Variants in AP3B1 observed in about 807,000 individuals in gnomAD.
AP3B1 encodes the protein AP-3 complex subunit beta-1.
AP3B1 carries 61 observed loss-of-function variants against 132.5 expected under a neutral mutation model. That is an observed-to-expected ratio of 0.46 (90% CI 0.37 to 0.57). The LOEUF is 0.57. AP3B1 is among the 20% of genes least tolerant of loss of function. AP3B1 has a pLI of 0.00. For missense variants in AP3B1, 1,120 were observed against 1,289.4 expected, an observed-to-expected ratio of 0.87 and a Z score of 2.01; for synonymous variants, 388 against 438.3, an observed-to-expected ratio of 0.89 and a Z score of 1.43.
At position 78,020,994 on chromosome 5, in the gene AP3B1, G is replaced by A. The variant is rs117001247; in HGVS notation, c.2895-205C>T. ...AAAATACATCTGTTATCTCAATCAA[G>A]ATTTTTTAAAAAACAAAACTACACA... On this transcript the variant is annotated intron_variant, in intron 24 of 26. Coordinates refer to ENST00000255194, the MANE Select transcript of AP3B1 (RefSeq NM_003664.5). Among the ~76,000 whole-genome samples, 19 of 151,708 alleles carry A rather than the reference G, an allele frequency of 1.3e-4. No homozygotes were observed. In the East Asian group the frequency reaches 3.7e-3, roughly 29 times the overall value.
chr5:78,233,235 T>C (rs1327541455), intron 3 of AP3B1, among the ~76,000 whole-genome samples: 1 of 131,292 alleles, frequency 7.6e-6, no homozygotes, highest in Non-Finnish European at 1.7e-5. Context: ...TTTTTCTTTT[T>C]TCTTTTTTTT....
intron 17 of AP3B1, among the ~76,000 whole-genome samples, chr5:78,119,809 G>C (rs193190385): frequency 9.1e-4 from 139 of 152,260 alleles, no homozygotes; most frequent in African/African-American, 3.2e-3. Flanking sequence ...AGCAAGAAAG[G>C]CCAACATTCG....
At chr5:78,278,695 A>C (rs1748906225) in intron 1 of AP3B1, among the ~76,000 whole-genome samples, 1 of 149,522 alleles carries the variant, frequency 6.7e-6, no homozygotes, top group South Asian at 2.1e-4. Context: ...CTCAACCCCC[A>C]GGCCACAGAA....
In AP3B1 at chr5:78,156,500, A is replaced by C. The variant is rs746449415; in HGVS notation, c.1364-133T>G. 8 of 704,610 alleles carry C rather than the reference A, an allele frequency of 1.1e-5. No homozygotes were observed. In the East Asian group the frequency reaches 2.2e-4, roughly 19 times the overall value. 43.6% of individuals were successfully genotyped at this position (704,610 alleles called of 1,614,324 possible). On this transcript the variant is annotated intron_variant, in intron 13 of 26. Transcript: ENST00000255194. ...GCCTTAAAAGACTATGTGAAAGCAT[A>C]ACCATGAGTGCGCTTCCAAATTTGA...
intron 3 of AP3B1, among the ~76,000 whole-genome samples, chr5:78,229,669 G>A (rs913103052): frequency 2.6e-5 from 4 of 151,980 alleles, no homozygotes; most frequent in African/African-American, 7.3e-5. Context: ...AGCCTGGGAG[G>A]TCGAAGCTGC....
intron 2 of AP3B1, among the ~76,000 whole-genome samples, chr5:78,259,361 C>T (rs558652837): frequency 2.5e-4 from 38 of 151,986 alleles, no homozygotes; most frequent in Admixed American, 4.6e-4. Flanking sequence ...GGATGGTTAC[C>T]AGAGGCTGAG....
At chr5:78,022,033 G>A (rs1422893699) in intron 24 of AP3B1, among the ~76,000 whole-genome samples, 1 of 152,052 alleles carries the variant, frequency 6.6e-6, no homozygotes, top group African/African-American at 2.4e-5. Flanking sequence ...TTCATGTGTG[G>A]GTACAGACAA....
intron 14 of AP3B1, among the ~76,000 whole-genome samples, chr5:78,152,750 T>C (rs1753725616): frequency 1.3e-5 from 2 of 152,216 alleles, no homozygotes; most frequent in Non-Finnish European, 2.9e-5. Flanking sequence ...GTTTCCATCA[T>C]CACATGTTTC....
Position 78,034,342 on chromosome 5 carries a change from G to C in AP3B1, c.2894+19C>G. The C allele has an allele frequency of 6.3e-7, 1 of 1,585,790 alleles. No homozygotes were observed. Among genetic ancestry groups the C allele is most frequent in the Non-Finnish European group, 8.7e-7 (1 of 1,154,520 alleles). On this transcript the variant is annotated intron_variant, in intron 24 of 26. Coordinates refer to ENST00000255194, the MANE Select transcript of AP3B1 (RefSeq NM_003664.5). Reference sequence around the variant, plus strand: ...TCCTTTACAGGTTATATAAAAAATAGAAGAACAATTGAACTTACCACAACT... The same window carrying C: ...TCCTTTACAGGTTATATAAAAAATACAAGAACAATTGAACTTACCACAACT...
In AP3B1 at chr5:78,141,155, G is replaced by T; in HGVS notation, c.1638C>A (p.Thr546=). 6.2e-7 allele frequency: 1 copy of T among 1,613,444 alleles called. No individual in the cohort carries two copies. Among genetic ancestry groups the T allele is most frequent in the Non-Finnish European group, 8.5e-7 (1 of 1,179,550 alleles). ...ATTTGCCTCTCACCTGTTTGGAGTT[G>T]GTTAAATACAATTTTGCTCCCAGAT... ...ILNLGAKLYL[T]NSKQTKLLTQ... The change falls in exon 15 of 27, where the codon ACC becomes ACA. Residue 546 remains threonine (T), a synonymous_variant. Coordinates refer to ENST00000255194, the MANE Select transcript of AP3B1 (RefSeq NM_003664.5).
intron 25 of AP3B1, chr5:78,015,854 A>G (rs1179241252): frequency 1.3e-5 from 4 of 312,072 alleles, no homozygotes; most frequent in Non-Finnish European, 2.4e-5. Context: ...TCTTTAAAGT[A>G]TACTCAATCT....
intron 3 of AP3B1, among the ~76,000 whole-genome samples, chr5:78,239,336 T>C (rs6898154): frequency 0.33 from 50,105 of 150,596 alleles, 8,389 homozygotes; most frequent in Middle Eastern, 0.43. Flanking sequence ...CTGGACATGG[T>C]GGCATGCACC....
chr5:78,120,608 A>C (rs951770132), intron 17 of AP3B1, among the ~76,000 whole-genome samples: 2 of 152,034 alleles, frequency 1.3e-5, no homozygotes, highest in Non-Finnish European at 2.9e-5. Context: ...GCCATTACAT[A>C]ATGGTAAAGG....
intron 11 of AP3B1, among the ~76,000 whole-genome samples, chr5:78,174,828 T>C (rs961617850): frequency 6.6e-6 from 1 of 152,150 alleles, no homozygotes; most frequent in African/African-American, 2.4e-5. Flanking sequence ...TTGCCCAGAG[T>C]GGAGTCTATA....
intron 7 of AP3B1, among the ~76,000 whole-genome samples, chr5:78,198,513 A>C (rs547801128): frequency 6.6e-6 from 1 of 152,280 alleles, no homozygotes; most frequent in African/African-American, 2.4e-5. Context: ...TTAGAAGGGC[A>C]CTAATCCCAT....
intron 21 of AP3B1, among the ~76,000 whole-genome samples, chr5:78,097,666 C>T (rs867748871): frequency 0.093 from 10,693 of 114,422 alleles, 904 homozygotes; most frequent in African/African-American, 0.21. Context: ...GGGGGGTCAG[C>T]CCCCCGCCCG....
chr5:78,209,776 G>T (rs1745658180), intron 7 of AP3B1, among the ~76,000 whole-genome samples: 1 of 151,872 alleles, frequency 6.6e-6, no homozygotes, highest in Non-Finnish European at 1.5e-5. Flanking sequence ...CATTGAGAAG[G>T]GTCACTCAGA....
intron 7 of AP3B1, among the ~76,000 whole-genome samples, chr5:78,192,979 C>G (rs1744906018): frequency 6.6e-6 from 1 of 152,168 alleles, no homozygotes; most frequent in African/African-American, 2.4e-5. Flanking sequence ...CAAACTAAGA[C>G]AGACTATAAA....
At chr5:78,172,601 A>G (rs1024209575) in intron 11 of AP3B1, among the ~76,000 whole-genome samples, 12 of 152,026 alleles carry the variant, frequency 7.9e-5, no homozygotes, top group Non-Finnish European at 1.2e-4. Context: ...TCATTTTTTA[A>G]TGCATCTATT....
Sources: gnomAD v4.1 joint callset for allele counts (sites outside exome capture counted in the v4.1 genomes callset) on GRCh38, gnomAD v4.1.1 for gene constraint, MANE v1.5 for transcripts, NCBI Gene and HGNC (gene_info 2026-07-23, HGNC 2026-07-21) for gene names.